The following FBF1 variants were observed in gnomAD, a reference collection of about 807,000 sequenced individuals.
FBF1 encodes fas-binding factor 1.
FBF1 carries 119 observed loss-of-function variants against 147.2 expected under a neutral mutation model. The observed-to-expected ratio is 0.81, with a 90% CI of 0.70 to 0.94. The LOEUF (loss-of-function observed/expected upper bound fraction) is 0.94, where lower values mean the gene tolerates loss of function less well. Ranked by LOEUF, FBF1 falls within the 40% of genes least tolerant of loss-of-function variation. FBF1 has a pLI of 0.00. For synonymous variants in FBF1, 601 were observed against 609.0 expected (o/e 0.99, Z 0.19); for missense variants, 1,449 against 1,500.8 (o/e 0.97, Z 0.57).
chr17:75,913,803 G>T lies in FBF1; in HGVS notation c.3146C>A (p.Ala1049Asp). 1.2e-6 allele frequency: 2 copies of T among 1,604,664 alleles called. No individual in the cohort carries two copies. ...QHMHQEHLSL[A>D]QQRLQLDRAR... Reference sequence around the variant, plus strand: ...GCGGTCCAGTTGCAGCCTCTGCTGGGCCAGACTCAGATGCTCCTGTCCCCG... The same window carrying T: ...GCGGTCCAGTTGCAGCCTCTGCTGGTCCAGACTCAGATGCTCCTGTCCCCG... Residue 1049 changes from alanine (A) to aspartate (D), a missense_variant, in exon 28 of 30, where the codon GCC (alanine) becomes GAC (aspartate). Ala to Asp is a moderately radical substitution (Grantham distance 126). Transcript: ENST00000636174.
rs1158717616 is a variant in FBF1 at position 75,923,513 on chromosome 17, T to A, written c.1097A>T (p.Asp366Val). Residue 366 changes from aspartate (D) to valine (V), a missense_variant, in exon 14 of 30, where the codon GAC becomes GTC. Transcript: ENST00000636174. This position sits in a 1 kb window ranked among gnomAD's most constrained non-coding sequence, Gnocchi z 4.1. ...GGGTGAGGCAGGGAACAGGTCCAAGTCCTCGTCCTTGAGGCCCAACCAGTC... is the reference window on the plus strand; with the variant it reads ...GGGTGAGGCAGGGAACAGGTCCAAGACCTCGTCCTTGAGGCCCAACCAGTC... ...GADWLGLKDE[D>V]LDLFPASPTR... 6.2e-7 allele frequency: 1 copy of A among 1,605,622 alleles called. No homozygotes were observed. Among genetic ancestry groups the A allele is most frequent in the Non-Finnish European group, 8.5e-7 (1 of 1,176,450 alleles).
At chr17:75,932,791 CAGG>C (rs2065601846) in intron 5 of FBF1, among the ~76,000 whole-genome samples, 1 of 149,948 alleles carries the variant, frequency 6.7e-6, no homozygotes, top group African/African-American at 2.5e-5. Context: ...GAGGCTGAGA[CAGG>C]AGAATTGCTT....
In FBF1 at chr17:75,914,037, T is replaced by C. The variant is rs776608208; in HGVS notation, c.3005A>G (p.Lys1002Arg). ...VESMSKVASE[K>R]YEEGERALRE... ...CAATGCCCGCTCCCCCTCCTCGTAC[T>C]TCTCGGAGGCCACCTGCAGGGAGGC... Residue 1002 changes from lysine to arginine, a missense_variant, in exon 27 of 30, where the codon AAG becomes AGG. By Grantham distance (26) the Lys-to-Arg change is conservative (BLOSUM62 2). Coordinates refer to ENST00000636174, the MANE Select transcript of FBF1 (RefSeq NM_001319193.2). The C allele has an allele frequency of 6.9e-6, 11 of 1,589,722 alleles. No homozygotes were observed. The East Asian group carries it at 2.3e-4, about 33-fold the overall frequency.
chr17:75,921,290 C>A lies in FBF1; in HGVS notation c.1628G>T (p.Cys543Phe). 6.3e-7 allele frequency: 1 copy of A among 1,592,344 alleles called. No homozygotes were observed. The highest frequency in any genetic ancestry group is 8.6e-7 in the Non-Finnish European group (1 of 1,169,384). The change falls in exon 17 of 30, where the codon TGT becomes TTT. Residue 543 changes from cysteine to phenylalanine, a missense_variant. By Grantham distance (205) the Cys-to-Phe change is radical. Transcript: ENST00000636174. ...TGTGGGTTTCTGGGTGCTCGGGAAA[C>A]ACGTGGCAGGCTCTGAAACATCAAC... The part of the protein sequence containing the change: ...GDLSATEPAT[C>F]FPSTQKPTEP...
chr17:75,921,945 C>T lies in FBF1; in HGVS notation c.1526G>A (p.Gly509Glu). 1.3e-6 allele frequency: 2 copies of T among 1,550,322 alleles called. No individual in the cohort carries two copies. The highest frequency in any genetic ancestry group is 2.4e-5 in the East Asian group (1 of 40,900). The change falls in exon 15 of 30, where the codon GGG (glycine) becomes GAG (glutamate). Residue 509 changes from glycine to glutamate, a missense_variant and splice_region_variant. Gly to Glu is a moderately conservative substitution (Grantham distance 98, BLOSUM62 -2). Coordinates refer to ENST00000636174, the MANE Select transcript of FBF1 (RefSeq NM_001319193.2). The part of the protein sequence containing the change: ...ERPCVRPGVS[G>E]SPVTQNHAAS... ...CACTCAGCCCGCAGCCCAGGCCTAC[C>T]CCGAGACACCAGGCCTGACACACGG...
At position 75,936,330 on chromosome 17, in the gene FBF1, A is replaced by AC. The variant is rs113553829; in HGVS notation, c.32-658dup. 6.1e-3 allele frequency among the ~76,000 whole-genome samples: 913 copies of AC among 148,824 alleles called. 11 individuals carry two copies. Among genetic ancestry groups the AC allele is most frequent in the African/African-American group, 0.02 (801 of 40,450 alleles). ...CGCCGTCTCAAAAAACAACAAAAAG[A>AC]CCCCCCCCAAAATTAGCTGGGCCTG... On this transcript the variant is annotated intron_variant, in intron 3 of 29. Transcript: ENST00000636174.
In FBF1 at chr17:75,914,811, C is replaced by T. The variant is rs889882623; in HGVS notation, c.2750G>A (p.Arg917His). The change falls in exon 25 of 30, where the codon CGC becomes CAC. Residue 917 changes from arginine to histidine, a missense_variant. Coordinates refer to ENST00000636174, the MANE Select transcript of FBF1 (RefSeq NM_001319193.2). ...CACCTGCAATGCCCGCTCGGCCTCG[C>T]GCTCGGCCCGCTCCTTACTCAGCTT... Reference protein sequence around the residue: ...QQKLSKERAEREAERALQVDT... With the variant: ...QQKLSKERAEHEAERALQVDT... The T allele has an allele frequency of 5.1e-6, 8 of 1,561,398 alleles. No individual in the cohort carries two copies. The highest frequency in any genetic ancestry group is 1.4e-5 in the African/African-American group (1 of 73,578).
chr17:75,921,759 C>A (rs1222231709), intron 15 of FBF1, among the ~76,000 whole-genome samples, 186 bp downstream of exon 15: 2 of 76,444 alleles, frequency 2.6e-5, no homozygotes, highest in Non-Finnish European at 5.1e-5. Context: ...AGGTGGGACA[C>A]GGGGATGGGG....
chr17:75,919,840 G>A lies in FBF1; in HGVS notation c.1966C>T (p.Gln656Ter). 1.2e-6 allele frequency: 2 copies of A among 1,613,824 alleles called. No homozygotes were observed. The highest frequency in any genetic ancestry group is 2.7e-5 in the African/African-American group (2 of 75,060). ...RIKVLETSYQQREERLRRENE... is the reference protein window; with the variant it reads ...RIKVLETSYQ Reference sequence around the variant, plus strand: ...TCTCTCCGGAGCCGCTCCTCCCGTTGCTGGTACGATGTTTCTAGCACCTTG... The same window carrying A: ...TCTCTCCGGAGCCGCTCCTCCCGTTACTGGTACGATGTTTCTAGCACCTTG... The change falls in exon 20 of 30, where the codon CAA becomes TAA. Residue 656 changes from glutamine (Q) to a stop codon, truncating the protein, a stop_gained. Transcript: ENST00000636174. LOFTEE classifies it high-confidence loss of function. This position sits in a 1 kb window ranked among gnomAD's most constrained non-coding sequence, Gnocchi z 5.0.
At chr17:75,921,424 C>T in intron 16 of FBF1, 48 bp downstream of exon 16, 1 of 1,579,612 alleles carries the variant, frequency 6.3e-7, no homozygotes, top group Non-Finnish European at 8.6e-7. Flanking sequence ...GCACCTCTTC[C>T]TCACCCAGGG....
rs527745455 is a variant in FBF1, at chr17:75,928,377, G to T, written c.280-184C>A. Reference sequence around the variant, plus strand: ...ATGGAACTAAAGGTAAGCAGGGGGAGGTGGAATGGAGTCCAGCTCATGGTT... The same window carrying T: ...ATGGAACTAAAGGTAAGCAGGGGGATGTGGAATGGAGTCCAGCTCATGGTT... On this transcript the variant is annotated intron_variant, in intron 7 of 29. Coordinates refer to ENST00000636174, the MANE Select transcript of FBF1 (RefSeq NM_001319193.2). This position sits in a 1 kb window ranked among gnomAD's most constrained non-coding sequence, Gnocchi z 4.2. Among the ~76,000 whole-genome samples the T allele has an allele frequency of 5.3e-5, 8 of 152,276 alleles. No individual in the cohort carries two copies. Among genetic ancestry groups the T allele is most frequent in the South Asian group, 2.1e-4 (1 of 4,830 alleles).
chr17:75,935,819 T>A, intron 3 of FBF1, 146 bp from the exon 4 acceptor site: 1 of 687,002 alleles, frequency 1.5e-6, no homozygotes, highest in South Asian at 2.2e-5. Flanking sequence ...CCACGAGATG[T>A]TTTACAAGTT....
Position 75,925,289 on chromosome 17 carries a change from T to C in FBF1, c.968+58A>G. On this transcript the variant is annotated intron_variant, in intron 13 of 29. Transcript: ENST00000636174. This position sits in a 1 kb window ranked among gnomAD's most constrained non-coding sequence, Gnocchi z 5.0. ...GGGACAGGGGACAGCTGCAGGGGCC[T>C]GTCTTCCCAGTGGCCGACCTGTCTC... 1 of 1,387,224 alleles carries C rather than the reference T, an allele frequency of 7.2e-7. No individual in the cohort carries two copies. The highest frequency in any genetic ancestry group is 1.2e-5 in the South Asian group (1 of 81,414). The allele number at this position is 1,387,224 out of a possible 1,614,324, so 85.9% of individuals were successfully genotyped here. A position where few individuals can be genotyped will look rare whatever the true frequency, so the allele number is the denominator to read the frequency against.
chr17:75,933,083 G>C lies in FBF1; in HGVS notation c.79C>G (p.Leu27Val), dbSNP rs1246542010. The C allele has an allele frequency of 6.2e-7, 1 of 1,600,258 alleles. No individual in the cohort carries two copies. Among genetic ancestry groups the C allele is most frequent in the Non-Finnish European group, 8.6e-7 (1 of 1,168,860 alleles). ...LGDLLGDDMT[L>V]PEKPVKLASH... ...GCTAGTTTAACAGGCTTCTCAGGTA[G>C]TGTCACTGGAAAAAAAGAAAAGAGA... The change falls in exon 5 of 30, where the codon CTA becomes GTA. Residue 27 changes from leucine to valine, a missense_variant. Leu to Val is a conservative substitution (Grantham distance 32). Transcript: ENST00000636174.
chr17:75,927,661 G>A, intron 8 of FBF1, 129 bp from the exon 9 acceptor site: 1 of 765,316 alleles, frequency 1.3e-6, no homozygotes, highest in Non-Finnish European at 2.2e-6. Context: ...TCATGGCCAT[G>A]GGCACAGCCA....
In FBF1 at chr17:75,925,358, C is replaced by A; in HGVS notation, c.957G>T (p.Arg319=). The change falls in exon 13 of 30, where the codon CGG becomes CGT. Residue 319 remains arginine, a synonymous_variant. Coordinates refer to ENST00000636174, the MANE Select transcript of FBF1 (RefSeq NM_001319193.2). This position sits in a 1 kb window ranked among gnomAD's most constrained non-coding sequence, Gnocchi z 5.0. The part of the protein sequence containing the change: ...VVSSEGRQSR[R]QSVSRFFADS... ...CAGGCCCCACTTACCTGACAGACTG[C>A]CGGCGGGACTGCCGGCCCTCAGAGG... The A allele has an allele frequency of 6.2e-7, 1 of 1,612,692 alleles. No individual in the cohort carries two copies. Among genetic ancestry groups the A allele is most frequent in the Non-Finnish European group, 8.5e-7 (1 of 1,179,500 alleles).
rs1022058092 is a variant in FBF1, at chr17:75,922,786, C to T, written c.1424+400G>A. Among the ~76,000 whole-genome samples, 8 of 152,266 alleles carry T rather than the reference C, an allele frequency of 5.3e-5. No homozygotes were observed. Among genetic ancestry groups the T allele is most frequent in the Admixed American group, 1.3e-4 (2 of 15,292 alleles). On this transcript the variant is annotated intron_variant, in intron 14 of 29. Transcript: ENST00000636174. This position sits in a 1 kb window ranked among gnomAD's most constrained non-coding sequence, Gnocchi z 5.0. Reference sequence around the variant, plus strand: ...GCACAGGGACATCTCAGCTCACACACGCCATACTCGCTTCAGTGGAGTCGG... The same window carrying T: ...GCACAGGGACATCTCAGCTCACACATGCCATACTCGCTTCAGTGGAGTCGG...
chr17:75,911,150 G>A (rs539119067), intron 29 of FBF1, among the ~76,000 whole-genome samples: 28 of 152,324 alleles, frequency 1.8e-4, no homozygotes, highest in African/African-American at 6.3e-4. Context: ...GCCAGGCACA[G>A]TGGCTCATGC....
intron 4 of FBF1, 33 bp from the exon 5 acceptor site, chr17:75,933,121 T>A: frequency 6.6e-7 from 1 of 1,521,298 alleles, no homozygotes; most frequent in Non-Finnish European, 9.0e-7. Context: ...ACGTGTCATT[T>A]AACTAAAGGT....
Sources: allele counts gnomAD v4.1 joint callset (sites outside exome capture counted in the v4.1 genomes callset), GRCh38; gene constraint gnomAD v4.1.1; non-coding constraint Gnocchi (gnomAD v3.1); transcripts MANE v1.5; gene names NCBI Gene and HGNC (gene_info 2026-07-23, HGNC 2026-07-21).